FOXO3: variants seen among roughly 807,000 people sequenced by gnomAD.
FOXO3 encodes forkhead box protein O3.
In FOXO3, 4 loss-of-function variants were observed where a neutral mutation model predicts 41.9. The ratio of observed to expected loss-of-function variants is 0.10; its 90% CI spans 0.05 to 0.22. The LOEUF (loss-of-function observed/expected upper bound fraction) is 0.22, where lower values mean the gene tolerates loss of function less well. Among genes scored for constraint, FOXO3 ranks in the 10% least tolerant of loss-of-function variants. The probability of loss-of-function intolerance (pLI) is 1.00; values close to 1 mark genes in which losing one functional copy is unlikely to be tolerated. For missense variants in FOXO3, 534 were observed against 906.8 expected (o/e 0.59, Z 5.28); for synonymous variants, 318 against 389.3 (o/e 0.82, Z 2.16).
intron 2 of FOXO3, among the ~76,000 whole-genome samples, chr6:108,673,473 T>A (rs2128391116): frequency 6.6e-6 from 1 of 152,370 alleles, no homozygotes; most frequent in South Asian, 2.1e-4. Context: ...GGCCACCATC[T>A]GTGTCACCTG....
chr6:108,576,401 GAGA>G (rs968790974), intron 1 of FOXO3, among the ~76,000 whole-genome samples: 1 of 152,204 alleles, frequency 6.6e-6, no homozygotes, highest in Non-Finnish European at 1.5e-5. Flanking sequence ...TTATTGGGAA[GAGA>G]AGTTTATTCC....
intron 1 of FOXO3, among the ~76,000 whole-genome samples, chr6:108,644,651 G>T (rs1447626889): frequency 6.6e-6 from 1 of 152,040 alleles, no homozygotes. Flanking sequence ...GAAACTCTCA[G>T]GTTTTCTCTT....
intron 1 of FOXO3, among the ~76,000 whole-genome samples, chr6:108,563,895 A>G (rs750002981): frequency 4.6e-5 from 7 of 151,908 alleles, no homozygotes; most frequent in Non-Finnish European, 8.8e-5. Flanking sequence ...AGGACTTGCA[A>G]TACAGATTTT....
At chr6:108,571,429 T>C (rs1157591853) in intron 1 of FOXO3, among the ~76,000 whole-genome samples, 2 of 152,194 alleles carry the variant, frequency 1.3e-5, no homozygotes, top group Non-Finnish European at 2.9e-5. Context: ...CCTGGAACTT[T>C]AGAATGGTGA....
upstream of FOXO3, chr6:108,560,725 G>A: frequency 4.6e-6 from 1 of 219,414 alleles, no homozygotes; most frequent in Non-Finnish European, 8.9e-6. Flanking sequence ...TCTGACCGCG[G>A]CTCGGCTGCG....
intron 1 of FOXO3, among the ~76,000 whole-genome samples, chr6:108,567,138 C>CT: frequency 6.6e-6 from 1 of 152,168 alleles, no homozygotes; most frequent in Non-Finnish European, 1.5e-5. Flanking sequence ...TTCCCGTTGC[C>CT]TTTTTTTTAC....
At chr6:108,614,620 G>A (rs1777443369) in intron 1 of FOXO3, among the ~76,000 whole-genome samples, 1 of 151,828 alleles carries the variant, frequency 6.6e-6, no homozygotes, top group Admixed American at 6.6e-5. Context: ...TATTTAAAGT[G>A]GATTCCATGC....
At chr6:108,669,348 T>C (rs1562266775) in intron 2 of FOXO3, among the ~76,000 whole-genome samples, 2 of 152,230 alleles carry the variant, frequency 1.3e-5, no homozygotes, top group Non-Finnish European at 2.9e-5. Context: ...GATTCTAGTA[T>C]GTCTTTAAAA....
At chr6:108,564,908 C>T (rs1292268649) in intron 1 of FOXO3, among the ~76,000 whole-genome samples, 1 of 151,938 alleles carries the variant, frequency 6.6e-6, no homozygotes, top group Non-Finnish European at 1.5e-5. Context: ...AAGCTAATGA[C>T]TTTCTTAAGA....
At chr6:108,590,551 C>G (rs1040962421) in intron 1 of FOXO3, among the ~76,000 whole-genome samples, 4 of 152,014 alleles carry the variant, frequency 2.6e-5, no homozygotes, top group Non-Finnish European at 5.9e-5. Context: ...AAACCTGGGT[C>G]GTATCCCTAA....
At chr6:108,586,357 A>T (rs1178251234) in intron 1 of FOXO3, among the ~76,000 whole-genome samples, 2 of 152,326 alleles carry the variant, frequency 1.3e-5, no homozygotes, top group Non-Finnish European at 2.9e-5. Context: ...TTCTCTTGGG[A>T]CATCATAAAG....
intron 1 of FOXO3, among the ~76,000 whole-genome samples, chr6:108,630,607 G>A (rs1777942046): frequency 6.6e-6 from 1 of 152,106 alleles, no homozygotes; most frequent in South Asian, 2.1e-4. Flanking sequence ...ATCCTTTTAT[G>A]TTAACTTTCT....
chr6:108,607,007 C>T (rs1435596248), intron 1 of FOXO3, among the ~76,000 whole-genome samples: 4 of 152,136 alleles, frequency 2.6e-5, no homozygotes, highest in Admixed American at 1.3e-4. Flanking sequence ...TAGGATATTT[C>T]GGAGCAAGGT....
intron 1 of FOXO3, among the ~76,000 whole-genome samples, chr6:108,619,055 C>A (rs1777596519): frequency 6.6e-6 from 1 of 152,166 alleles, no homozygotes; most frequent in South Asian, 2.1e-4. Context: ...GCCTGTTGTC[C>A]AATGTCTGAA....
intron 1 of FOXO3, among the ~76,000 whole-genome samples, chr6:108,603,710 G>C (rs1305799017): frequency 6.6e-6 from 1 of 152,044 alleles, no homozygotes; most frequent in Non-Finnish European, 1.5e-5. Flanking sequence ...ATCATTGTTG[G>C]GGTTTTGGGT....
intron 1 of FOXO3, among the ~76,000 whole-genome samples, chr6:108,601,606 C>T (rs114067822): frequency 1.3e-5 from 2 of 152,214 alleles, no homozygotes; most frequent in African/African-American, 4.8e-5. Flanking sequence ...ACCCAGCCCC[C>T]CTTCTATTGC....
In FOXO3 at chr6:108,680,216, GC is replaced by G. The variant is rs1484413836; in HGVS notation, c.*425del. The stretch of plus-strand genomic sequence containing the variant: ...CTTTGACTTTCTGAGTTTTTCACAT[GC>G]ATTAACTTGCGGTATTTTTCTGTTA... On this transcript the variant is annotated 3_prime_UTR_variant, in exon 3 of 3. Transcript: ENST00000406360. 2 of 152,576 alleles carry G rather than the reference GC, an allele frequency of 1.3e-5. No individual in the cohort carries two copies. Among genetic ancestry groups the G allele is most frequent in the African/African-American group, 2.4e-5 (1 of 41,424 alleles). The allele number at this position is 152,576 out of a possible 1,614,324, so 9.5% of individuals were successfully genotyped here.
chr6:108,598,604 A>G (rs1168919480), intron 1 of FOXO3, among the ~76,000 whole-genome samples: 1 of 152,176 alleles, frequency 6.6e-6, no homozygotes, highest in African/African-American at 2.4e-5. Flanking sequence ...ACAAAATTTT[A>G]AAAGGTCTGG....
chr6:108,573,868 T>C (rs112386751), intron 1 of FOXO3, among the ~76,000 whole-genome samples: 2,435 of 151,760 alleles, frequency 0.016, 66 homozygotes, highest in African/African-American at 0.056. Flanking sequence ...AGACTTATGA[T>C]ATTGGCCGGG....
Sources: gnomAD v4.1 joint callset for allele counts (sites outside exome capture counted in the v4.1 genomes callset) on GRCh38, gnomAD v4.1.1 for gene constraint, MANE v1.5 for transcripts, NCBI Gene and HGNC (gene_info 2026-07-23, HGNC 2026-07-21) for gene names.